The following CHCHD6 variants were observed in gnomAD, a reference collection of about 807,000 sequenced individuals.
CHCHD6 encodes the protein MICOS complex subunit MIC25.
A neutral mutation model predicts 32.3 loss-of-function variants in CHCHD6; 28 were observed. The ratio of observed to expected loss-of-function variants is 0.87; its 90% CI spans 0.64 to 1.19. The LOEUF is 1.19. Among genes scored for constraint, CHCHD6 ranks in the 50% most tolerant of loss-of-function variants. The pLI, the probability that CHCHD6 is intolerant of heterozygous loss-of-function variation, is 0.00. For synonymous variants in CHCHD6, 122 were observed against 117.5 expected (o/e 1.04, Z -0.25); for missense variants, 333 against 307.0 (o/e 1.08, Z -0.63).
chr3:126,956,505 G>A (rs564127019), intron 6 of CHCHD6, among the ~76,000 whole-genome samples: 45 of 152,342 alleles, frequency 3.0e-4, no homozygotes, highest in Admixed American at 2.2e-3. Flanking sequence ...TACCAGAGCT[G>A]TAAGGAGCAG....
intron 6 of CHCHD6, among the ~76,000 whole-genome samples, chr3:126,943,927 C>A (rs1189593162): frequency 6.6e-6 from 1 of 152,184 alleles, no homozygotes; most frequent in Non-Finnish European, 1.5e-5. Context: ...CTATGAACTT[C>A]ATGAAAACTA....
chr3:126,773,108 C>T (rs1028325248), intron 4 of CHCHD6, among the ~76,000 whole-genome samples: 2 of 152,014 alleles, frequency 1.3e-5, no homozygotes, highest in Non-Finnish European at 2.9e-5. Context: ...CTGCTGCTAG[C>T]CTGATGGGGT....
At chr3:126,945,373 C>T (rs1210212932) in intron 6 of CHCHD6, among the ~76,000 whole-genome samples, 2 of 151,926 alleles carry the variant, frequency 1.3e-5, no homozygotes, top group African/African-American at 2.4e-5. Context: ...AAAGATCCCT[C>T]TAGTTGATGT....
At chr3:126,829,364 A>T (rs1291467206) in intron 4 of CHCHD6, among the ~76,000 whole-genome samples, 1 of 151,930 alleles carries the variant, frequency 6.6e-6, no homozygotes, top group Non-Finnish European at 1.5e-5. Flanking sequence ...AGACCCATAA[A>T]AACAGGAAAC....
At chr3:126,859,011 CTG>C in intron 5 of CHCHD6, among the ~76,000 whole-genome samples, 1 of 152,374 alleles carries the variant, frequency 6.6e-6, no homozygotes, top group South Asian at 2.1e-4. Flanking sequence ...TTGTTAGCGC[CTG>C]TGGCTGTCTG....
At chr3:126,851,955 G>A (rs1315412327) in intron 4 of CHCHD6, among the ~76,000 whole-genome samples, 2 of 152,200 alleles carry the variant, frequency 1.3e-5, no homozygotes, top group Non-Finnish European at 2.9e-5. Flanking sequence ...TGCTTGCCCT[G>A]GTGAGCTGAG....
At chr3:126,753,095 G>A (rs551599685) in intron 4 of CHCHD6, among the ~76,000 whole-genome samples, 4 of 152,200 alleles carry the variant, frequency 2.6e-5, no homozygotes, top group South Asian at 2.1e-4. Flanking sequence ...CCCTTCAAGC[G>A]CCTTTTCCTT....
intron 6 of CHCHD6, among the ~76,000 whole-genome samples, chr3:126,939,860 T>A (rs1271997668): frequency 6.6e-6 from 1 of 152,232 alleles, no homozygotes; most frequent in Non-Finnish European, 1.5e-5. Context: ...CAGGCATTCC[T>A]TCACTCTGCA....
At chr3:126,924,632 A>G (rs1337716520) in intron 6 of CHCHD6, among the ~76,000 whole-genome samples, 1 of 152,228 alleles carries the variant, frequency 6.6e-6, no homozygotes, top group Non-Finnish European at 1.5e-5. Flanking sequence ...GCTGTTTGCC[A>G]GTCAGGGCTT....
chr3:126,799,930 G>A (rs548956204), intron 4 of CHCHD6, among the ~76,000 whole-genome samples: 1 of 152,190 alleles, frequency 6.6e-6, no homozygotes, highest in African/African-American at 2.4e-5. Context: ...TTTCATGTCT[G>A]TAAATACAGG....
At chr3:126,805,529 C>T (rs1308806153) in intron 4 of CHCHD6, among the ~76,000 whole-genome samples, 1 of 152,022 alleles carries the variant, frequency 6.6e-6, no homozygotes, top group African/African-American at 2.4e-5. Flanking sequence ...GAACTACAAA[C>T]CACTGCTCAA....
At chr3:126,814,662 G>C (rs1939799360) in intron 4 of CHCHD6, among the ~76,000 whole-genome samples, 1 of 152,198 alleles carries the variant, frequency 6.6e-6, no homozygotes, top group African/African-American at 2.4e-5. Flanking sequence ...GGACACAGAA[G>C]CTCGGCACCC....
chr3:126,904,863 G>A (rs1230502071), intron 5 of CHCHD6, among the ~76,000 whole-genome samples: 4 of 152,232 alleles, frequency 2.6e-5, no homozygotes, highest in Admixed American at 2.6e-4. Flanking sequence ...GCTTCGTTAA[G>A]AAATAGGACA....
chr3:126,746,513 C>T (rs1290767089), intron 4 of CHCHD6, among the ~76,000 whole-genome samples: 2 of 152,148 alleles, frequency 1.3e-5, no homozygotes, highest in African/African-American at 4.8e-5. Flanking sequence ...GCGAGTGCAT[C>T]CAGGGCAGGA....
chr3:126,812,315 GT>G (rs11360867), intron 4 of CHCHD6, among the ~76,000 whole-genome samples: 104,602 of 113,146 alleles, frequency 0.92, 48,272 homozygotes, highest in South Asian at 0.96. Flanking sequence ...GTCCATGTGT[GT>G]TTTTTTTTTT....
intron 5 of CHCHD6, among the ~76,000 whole-genome samples, chr3:126,875,424 G>C (rs559307937): frequency 6.6e-5 from 10 of 152,368 alleles, no homozygotes; most frequent in African/African-American, 2.2e-4. Flanking sequence ...CTGGCACGTA[G>C]AGCCTCTAGC....
chr3:126,862,448 C>T (rs1360097308), intron 5 of CHCHD6, among the ~76,000 whole-genome samples: 5 of 133,206 alleles, frequency 3.8e-5, no homozygotes, highest in Non-Finnish European at 6.4e-5. Context: ...TCCACCATCA[C>T]CACCTCCTCC....
At chr3:126,952,875 C>A in intron 6 of CHCHD6, 1 of 709,718 alleles carries the variant, frequency 1.4e-6, no homozygotes, top group Non-Finnish European at 1.7e-6. Flanking sequence ...AGGGTGGGGG[C>A]TCTGGGAGTC....
At chr3:126,907,659 T>C (rs2078025829) in intron 5 of CHCHD6, among the ~76,000 whole-genome samples, 1 of 152,160 alleles carries the variant, frequency 6.6e-6, no homozygotes, top group African/African-American at 2.4e-5. Context: ...TGTTTGGCCA[T>C]GTTGATAGCA....
Sources: gnomAD v4.1 joint callset for allele counts (sites outside exome capture counted in the v4.1 genomes callset) on GRCh38, gnomAD v4.1.1 for gene constraint, MANE v1.5 for transcripts, NCBI Gene and HGNC (gene_info 2026-07-23, HGNC 2026-07-21) for gene names.